Variants in MYCBP2 observed in about 807,000 individuals in gnomAD.
MYCBP2 encodes E3 ubiquitin-protein ligase MYCBP2.
A neutral mutation model predicts 525.3 loss-of-function variants in MYCBP2; 120 were observed. The ratio of observed to expected loss-of-function variants is 0.23; its 90% CI spans 0.20 to 0.27. MYCBP2 has a LOEUF of 0.27. Ranked by LOEUF, MYCBP2 falls within the 10% of genes least tolerant of loss-of-function variation. MYCBP2 has a pLI of 1.00. For missense variants in MYCBP2, 4,149 were observed against 5,657.1 expected, an observed-to-expected ratio of 0.73 and a Z score of 8.55; for synonymous variants, 1,894 against 1,955.8, an observed-to-expected ratio of 0.97 and a Z score of 0.83.
At chr13:77,231,573 T>C (rs2067139344) in intron 18 of MYCBP2, among the ~76,000 whole-genome samples, 1 of 152,204 alleles carries the variant, frequency 6.6e-6, no homozygotes, top group South Asian at 2.1e-4. Flanking sequence ...TAGCCAATCA[T>C]TATGTGACAT....
Position 77,097,706 on chromosome 13 carries a change from TTG to T in MYCBP2, c.9446_9447del (p.Thr3149AsnfsTer4). The T allele has an allele frequency of 6.2e-7, 1 of 1,613,686 alleles. No individual in the cohort carries two copies. The highest frequency in any genetic ancestry group is 8.5e-7 in the Non-Finnish European group (1 of 1,179,776). Reference sequence around the variant, plus strand: ...AAGGGAAGAGGAGACTTAGACTTCATTGTGTTATGCATGGACATTTCAAAAGT... The same window carrying T: ...AAGGGAAGAGGAGACTTAGACTTCATTGTTATGCATGGACATTTCAAAAGT... ...ETTFEMSMHN[T>X]MKSKSPLPLT... On this transcript the variant is annotated frameshift_variant, in exon 56 of 83. Coordinates refer to ENST00000544440, the MANE Select transcript of MYCBP2 (RefSeq NM_015057.5). LOFTEE classifies it high-confidence loss of function.
At chr13:77,054,027 T>C (rs1027291547) in intron 80 of MYCBP2, among the ~76,000 whole-genome samples, 1 of 152,038 alleles carries the variant, frequency 6.6e-6, no homozygotes, top group Non-Finnish European at 1.5e-5. Context: ...ACCAAAATCA[T>C]GTGGTGGTGG....
chr13:77,286,138 T>A (rs1440542577), intron 3 of MYCBP2, among the ~76,000 whole-genome samples: 1 of 152,154 alleles, frequency 6.6e-6, no homozygotes, highest in Admixed American at 6.5e-5. Flanking sequence ...TGATTAAGGA[T>A]GGTGGTGTAC....
intron 23 of MYCBP2, among the ~76,000 whole-genome samples, chr13:77,208,601 T>C (rs1408080951): frequency 6.6e-6 from 1 of 152,186 alleles, no homozygotes; most frequent in East Asian, 1.9e-4. Flanking sequence ...GAGCAAAAAA[T>C]CTAACTTTTA....
At chr13:77,251,908 T>C (rs1300447339) in intron 14 of MYCBP2, among the ~76,000 whole-genome samples, 2 of 152,184 alleles carry the variant, frequency 1.3e-5, no homozygotes, top group Non-Finnish European at 2.9e-5. Flanking sequence ...TGTCCTTCCA[T>C]ATGCTCAGGG....
intron 1 of MYCBP2, among the ~76,000 whole-genome samples, chr13:77,318,877 A>G (rs986122541): frequency 6.6e-6 from 1 of 152,212 alleles, no homozygotes; most frequent in Non-Finnish European, 1.5e-5. Flanking sequence ...CCTGTTCCAC[A>G]CTGATTTTTG....
At chr13:77,133,546 C>T (rs528636600) in intron 52 of MYCBP2, among the ~76,000 whole-genome samples, 2 of 152,206 alleles carry the variant, frequency 1.3e-5, no homozygotes, top group Admixed American at 1.3e-4. Context: ...TACATAAACA[C>T]AAATGGGCTG....
chr13:77,200,517 A>G (rs1157586450), intron 26 of MYCBP2, among the ~76,000 whole-genome samples: 10 of 152,040 alleles, frequency 6.6e-5, no homozygotes, highest in Non-Finnish European at 1.0e-4. Context: ...GCAGGCCAAC[A>G]TTCAGATTCA....
chr13:77,133,016 G>T (rs1434849709), intron 52 of MYCBP2, among the ~76,000 whole-genome samples: 1 of 152,022 alleles, frequency 6.6e-6, no homozygotes, highest in Non-Finnish European at 1.5e-5. Context: ...AACCATTAAG[G>T]TTATAAGTAT....
At chr13:77,076,648 CTGT>C (rs1442121842) in intron 68 of MYCBP2, 100 bp downstream of exon 68, 5 of 649,664 alleles carry the variant, frequency 7.7e-6, no homozygotes, top group African/African-American at 1.9e-5. Flanking sequence ...CTGCATAAAA[CTGT>C]TATTACATAT....
intron 68 of MYCBP2, among the ~76,000 whole-genome samples, chr13:77,074,010 CCCT>C (rs1203045249): frequency 1.4e-5 from 2 of 140,922 alleles, no homozygotes; most frequent in Non-Finnish European, 3.1e-5. Context: ...CCGCCCCCCC[CCCT>C]TTTTTTTTTA....
chr13:77,100,988 C>T (rs1421794156), intron 55 of MYCBP2, among the ~76,000 whole-genome samples: 2 of 152,064 alleles, frequency 1.3e-5, no homozygotes, highest in Non-Finnish European at 2.9e-5. Flanking sequence ...GACCTAGTAA[C>T]AGCATATGGC....
intron 28 of MYCBP2, 38 bp downstream of exon 28, chr13:77,191,641 A>G (rs190059305): frequency 1.3e-4 from 202 of 1,596,440 alleles, no homozygotes; most frequent in Non-Finnish European, 1.6e-4. Flanking sequence ...TCTAACAAAA[A>G]TAAGTATTGC....
intron 59 of MYCBP2, 32 bp downstream of exon 59, chr13:77,093,133 G>A (rs778089451): frequency 6.4e-7 from 1 of 1,561,508 alleles, no homozygotes; most frequent in Admixed American, 1.9e-5. Context: ...CCAAACACTA[G>A]CTATTCAACA....
At chr13:77,317,018 C>T (rs752685651) in intron 1 of MYCBP2, among the ~76,000 whole-genome samples, 65 of 151,954 alleles carry the variant, frequency 4.3e-4, no homozygotes, top group African/African-American at 1.4e-3. Context: ...GGCGCAATCT[C>T]GGCTCACTGC....
At chr13:77,202,574 G>T (rs1236992643) in intron 26 of MYCBP2, among the ~76,000 whole-genome samples, 4 of 151,594 alleles carry the variant, frequency 2.6e-5, no homozygotes, top group South Asian at 4.2e-4. Context: ...TACCAAAGCC[G>T]GGCAGAGACA....
At position 77,180,427 on chromosome 13, in the gene MYCBP2, A is replaced by G. The variant is rs2060109675; in HGVS notation, c.4942-109T>C. 5 of 908,588 alleles carry G rather than the reference A, an allele frequency of 5.5e-6. No individual in the cohort carries two copies. In the African/African-American group the frequency reaches 6.7e-5, roughly 12 times the overall value. The allele number at this position is 908,588 out of a possible 1,614,324, so 56.3% of individuals were successfully genotyped here. A position where few individuals can be genotyped will look rare whatever the true frequency, so the allele number is the denominator to read the frequency against. On this transcript the variant is annotated intron_variant, in intron 33 of 82. Transcript: ENST00000544440. ...TACTCTTAAAATTCAGACTTGAATC[A>G]GGGTCAATTTCTACAAATCTTTCTG...
At position 77,081,920 on chromosome 13, in the gene MYCBP2, T is replaced by C; in HGVS notation, c.11110A>G (p.Asn3704Asp). Residue 3704 changes from asparagine (N) to aspartate (D), a missense_variant, in exon 64 of 83, where the codon AAT (asparagine) becomes GAT (aspartate). This residue lies in a region of MYCBP2 where 509 missense variants were observed against 789.4 expected (regional missense o/e 0.64). Coordinates refer to ENST00000544440, the MANE Select transcript of MYCBP2 (RefSeq NM_015057.5). This position sits in a 1 kb window ranked among gnomAD's most constrained non-coding sequence, Gnocchi z 4.6. ...CCATCATCTGACTTTGACAAAATAT[T>C]GTTAATGTGATGAAAGACGTTGCTC... ...HQSNVFHHIN[N>D]ILSKSDDGDS... The C allele has an allele frequency of 1.2e-6, 2 of 1,613,690 alleles. No individual in the cohort carries two copies. Among genetic ancestry groups the C allele is most frequent in the Non-Finnish European group, 1.7e-6 (2 of 1,179,764 alleles).
In MYCBP2 at chr13:77,229,666, C is replaced by T. The variant is rs1594132553; in HGVS notation, c.2737+3490G>A. 2.0e-5 allele frequency among the ~76,000 whole-genome samples: 3 copies of T among 152,226 alleles called. 1 individual carries two copies. In the Middle Eastern group the frequency reaches 0.01, roughly 518 times the overall value. ...ATATATTTTAATCTTCATAGCAACACAATCAGTTAAGAATTACTATTCTTG... is the reference window on the plus strand; with the variant it reads ...ATATATTTTAATCTTCATAGCAACATAATCAGTTAAGAATTACTATTCTTG... On this transcript the variant is annotated intron_variant, in intron 18 of 82. Coordinates refer to ENST00000544440, the MANE Select transcript of MYCBP2 (RefSeq NM_015057.5).
Sources: allele counts gnomAD v4.1 joint callset (sites outside exome capture counted in the v4.1 genomes callset), GRCh38; gene constraint gnomAD v4.1.1; regional missense constraint gnomAD v4.1.1; non-coding constraint Gnocchi (gnomAD v3.1); transcripts MANE v1.5; gene names NCBI Gene and HGNC (gene_info 2026-07-23, HGNC 2026-07-21).